The following PNRC1 variants were observed in gnomAD, a reference collection of about 807,000 sequenced individuals.
The protein encoded by PNRC1 is proline-rich nuclear receptor coactivator 1.
In PNRC1, 6 loss-of-function variants were observed where a neutral mutation model predicts 20.2. The observed-to-expected ratio is 0.30, with a 90% confidence interval of 0.16 to 0.59. The LOEUF (loss-of-function observed/expected upper bound fraction) is 0.59, where lower values mean the gene tolerates loss of function less well. PNRC1 is among the 20% of genes least tolerant of loss of function. PNRC1 has a pLI of 0.89. For missense variants in PNRC1, 488 were observed against 430.2 expected (o/e 1.13, Z -1.19); for synonymous variants, 202 against 186.9 (o/e 1.08, Z -0.66).
In PNRC1 at chr6:89,081,208, G is replaced by A. The variant is rs1269280586; in HGVS notation, c.314G>A (p.Ser105Asn). ...CGGCGAAAGAAGAAGGTGCGGGCCA[G>A]CCCCGCAGGGCAGCTGCCCAGCCGC... ...KKRRKKKVRA[S>N]PAGQLPSRFH... Residue 105 changes from serine to asparagine, a missense_variant, in exon 1 of 2, where the codon AGC (serine) becomes AAC (asparagine). Ser to Asn is a conservative substitution (Grantham distance 46). Transcript: ENST00000336032. 2 of 1,560,070 alleles carry A rather than the reference G, an allele frequency of 1.3e-6. No homozygotes were observed. The highest frequency in any genetic ancestry group is 1.7e-6 in the Non-Finnish European group (2 of 1,161,338).
rs1383755873 is a variant in PNRC1 at position 89,080,877 on chromosome 6, G to A, written c.-18G>A. 25 of 1,607,364 alleles carry A rather than the reference G, an allele frequency of 1.6e-5. No individual in the cohort carries two copies. Among genetic ancestry groups the A allele is most frequent in the Non-Finnish European group, 2.1e-5 (25 of 1,179,782 alleles). ...TCTCCTTCTCTCTTCGTTGCTGAGC[G>A]ACAAGCTTCCTAGCGCTATGACTGT... On this transcript the variant is annotated 5_prime_UTR_variant, in exon 1 of 2. Transcript: ENST00000336032.
Position 89,084,029 on chromosome 6 carries a change from G to A in PNRC1, c.817G>A (p.Val273Met). The change falls in exon 2 of 2, where the codon GTG becomes ATG. Residue 273 changes from valine to methionine, a missense_variant. Transcript: ENST00000336032. ...HLKKSAFLTE[V>M]SQKENYAGAK... ...GAAGAAATCAGCATTTCTAACTGAAGTGAGCCAAAAGGAAAATTATGCTGG... is the reference window on the plus strand; with the variant it reads ...GAAGAAATCAGCATTTCTAACTGAAATGAGCCAAAAGGAAAATTATGCTGG... 6.2e-7 allele frequency: 1 copy of A among 1,614,118 alleles called. No individual in the cohort carries two copies. The highest frequency in any genetic ancestry group is 8.5e-7 in the Non-Finnish European group (1 of 1,180,018).
chr6:89,080,989 T>C lies in PNRC1; in HGVS notation c.95T>C (p.Leu32Pro), dbSNP rs779847527. Reference sequence around the variant, plus strand: ...TCCTCCCGAGGTTACTTTGGGGCCCTCCCGATGGTGACCACGGCTCCGCCT... The same window carrying C: ...TCCTCCCGAGGTTACTTTGGGGCCCCCCCGATGGTGACCACGGCTCCGCCT... ...GFSSRGYFGA[L>P]PMVTTAPPPL... The change falls in exon 1 of 2, where the codon CTC becomes CCC. Residue 32 changes from leucine (L) to proline (P), a missense_variant. Coordinates refer to ENST00000336032, the MANE Select transcript of PNRC1 (RefSeq NM_006813.3). 2 of 1,612,412 alleles carry C rather than the reference T, an allele frequency of 1.2e-6. No homozygotes were observed. The highest frequency in any genetic ancestry group is 2.2e-5 in the South Asian group (2 of 91,076).
chr6:89,082,213 T>C (rs1046042077), intron 1 of PNRC1: 3 of 152,270 alleles, frequency 2.0e-5, no homozygotes, highest in Non-Finnish European at 4.4e-5. Flanking sequence ...GCCCGTCTGA[T>C]TGCAGTGCTA....
chr6:89,084,286 G>C lies in PNRC1; in HGVS notation c.*90G>C. ...TGGTACAGAAATGGAAATTTGCCTT[G>C]TTGCAACATACAATTGCAAAAGATG... On this transcript the variant is annotated 3_prime_UTR_variant, in exon 2 of 2. Transcript: ENST00000336032. The C allele has an allele frequency of 1.2e-6, 1 of 803,864 alleles. No individual in the cohort carries two copies. Among genetic ancestry groups the C allele is most frequent in the Non-Finnish European group, 1.9e-6 (1 of 514,046 alleles). 49.8% of individuals were successfully genotyped at this position (803,864 alleles called of 1,614,324 possible).
chr6:89,080,873 G>A lies in PNRC1; in HGVS notation c.-22G>A. On this transcript the variant is annotated 5_prime_UTR_variant, in exon 1 of 2. Transcript: ENST00000336032. ...ACCTTCTCCTTCTCTCTTCGTTGCT[G>A]AGCGACAAGCTTCCTAGCGCTATGA... 1 of 1,606,470 alleles carries A rather than the reference G, an allele frequency of 6.2e-7. No homozygotes were observed. The highest frequency in any genetic ancestry group is 8.5e-7 in the Non-Finnish European group (1 of 1,179,588).
At position 89,084,317 on chromosome 6, in the gene PNRC1, A is replaced by T. The variant is rs570274584; in HGVS notation, c.*121A>T. On this transcript the variant is annotated 3_prime_UTR_variant, in exon 2 of 2. Coordinates refer to ENST00000336032, the MANE Select transcript of PNRC1 (RefSeq NM_006813.3). ...ACATACAATTGCAAAAGATGAGTTT[A>T]AAAAATTACATACAAACAGCTTGTA... The T allele has an allele frequency of 1.4e-5, 9 of 623,370 alleles. No individual in the cohort carries two copies. Among genetic ancestry groups the T allele is most frequent in the African/African-American group, 9.2e-5 (5 of 54,096 alleles). The allele number at this position is 623,370 out of a possible 1,614,324, so 38.6% of individuals were successfully genotyped here. A position where few individuals can be genotyped will look rare whatever the true frequency, so the allele number is the denominator to read the frequency against.
In PNRC1 at chr6:89,083,806, G is replaced by A. The variant is rs984367269; in HGVS notation, c.594G>A (p.Gln198=). The A allele has an allele frequency of 6.2e-7, 1 of 1,602,466 alleles. No individual in the cohort carries two copies. Among genetic ancestry groups the A allele is most frequent in the Non-Finnish European group, 8.5e-7 (1 of 1,176,506 alleles). The change falls in exon 2 of 2, where the codon CAG becomes CAA. Residue 198 remains glutamine (Q), a synonymous_variant. Transcript: ENST00000336032. ...KSEKIALPHG[Q]LVHGIHLYEQ... The stretch of plus-strand genomic sequence containing the variant: ...AGAAAATTGCCCTTCCCCATGGCCA[G>A]CTTGTTCATGGTATACACTTGTATG...
rs1304575346 is a variant in PNRC1 at position 89,080,839 on chromosome 6, G to A, written c.-56G>A. The stretch of plus-strand genomic sequence containing the variant: ...CATCGCCGCCACCCTATCTTCACTG[G>A]CTTCATTCACCTTCTCCTTCTCTCT... On this transcript the variant is annotated 5_prime_UTR_variant, in exon 1 of 2. Transcript: ENST00000336032. The A allele has an allele frequency of 5.2e-6, 6 of 1,143,020 alleles. No homozygotes were observed. Among genetic ancestry groups the A allele is most frequent in the Non-Finnish European group, 6.0e-6 (5 of 835,268 alleles). 70.8% of individuals were successfully genotyped at this position (1,143,020 alleles called of 1,614,324 possible).
chr6:89,084,316 T>A lies in PNRC1; in HGVS notation c.*120T>A, dbSNP rs1768068592. 2 of 634,292 alleles carry A rather than the reference T, an allele frequency of 3.2e-6. No individual in the cohort carries two copies. Among genetic ancestry groups the A allele is most frequent in the Non-Finnish European group, 5.4e-6 (2 of 367,476 alleles). The allele number at this position is 634,292 out of a possible 1,614,324, so 39.3% of individuals were successfully genotyped here. ...AACATACAATTGCAAAAGATGAGTT[T>A]AAAAAATTACATACAAACAGCTTGT... On this transcript the variant is annotated 3_prime_UTR_variant, in exon 2 of 2. Coordinates refer to ENST00000336032, the MANE Select transcript of PNRC1 (RefSeq NM_006813.3).
At chr6:89,081,549 G>GC (rs2127985494) in intron 1 of PNRC1, 115 bp downstream of exon 1, 2 of 182,296 alleles carry the variant, frequency 1.1e-5, no homozygotes, top group Non-Finnish European at 2.2e-5. Context: ...GGTGGGGGGG[G>GC]CGGCTGTTTA....
chr6:89,081,054 ACC>A lies in PNRC1; in HGVS notation c.162_163del (p.Phe56ProfsTer151). ...CCCGGACCCCCGGGCACTGCCCCCG[ACC>A]CTCTTCCTCCCTCATTTCCTAGGGG... Reference protein sequence around the residue: ...RIPDPRALPPTLFLPHFLGGD... With the variant: ...RIPDPRALPPXLFLPHFLGGD... On this transcript the variant is annotated frameshift_variant, in exon 1 of 2. Transcript: ENST00000336032. LOFTEE classifies it high-confidence loss of function. The A allele has an allele frequency of 2.5e-6, 4 of 1,610,572 alleles. No individual in the cohort carries two copies. The highest frequency in any genetic ancestry group is 3.4e-6 in the Non-Finnish European group (4 of 1,179,720).
intron 1 of PNRC1, among the ~76,000 whole-genome samples, chr6:89,083,045 C>G (rs1298054371): frequency 1.3e-5 from 2 of 151,094 alleles, no homozygotes; most frequent in Non-Finnish European, 1.5e-5. Context: ...CTATCGCACT[C>G]CAGGCTGGAA....
intron 1 of PNRC1, among the ~76,000 whole-genome samples, chr6:89,083,529 T>G (rs183471128): frequency 1.3e-3 from 191 of 152,260 alleles, no homozygotes; most frequent in African/African-American, 4.3e-3. Flanking sequence ...GCTCCCAAAT[T>G]CACTTGTAAG....
At chr6:89,082,999 TTTG>T (rs1001596882) in intron 1 of PNRC1, among the ~76,000 whole-genome samples, 12 of 146,074 alleles carry the variant, frequency 8.2e-5, no homozygotes, top group East Asian at 2.2e-4. Context: ...ATTTAAGTTT[TTTG>T]TTGTTTTTTT....
In PNRC1 at chr6:89,081,052, C is replaced by T. The variant is rs755615300; in HGVS notation, c.158C>T (p.Pro53Leu). The change falls in exon 1 of 2, where the codon CCG (proline) becomes CTG (leucine). Residue 53 changes from proline (P) to leucine (L), a missense_variant. Physicochemically the swap from Pro to Leu is moderately conservative, Grantham distance 98. Transcript: ENST00000336032. Reference sequence around the variant, plus strand: ...ATCCCGGACCCCCGGGCACTGCCCCCGACCCTCTTCCTCCCTCATTTCCTA... The same window carrying T: ...ATCCCGGACCCCCGGGCACTGCCCCTGACCCTCTTCCTCCCTCATTTCCTA... ...PRIPDPRALP[P>L]TLFLPHFLGG... The T allele has an allele frequency of 5.6e-6, 9 of 1,611,000 alleles. No individual in the cohort carries two copies. Among genetic ancestry groups the T allele is most frequent in the South Asian group, 3.3e-5 (3 of 91,088 alleles).
Position 89,080,886 on chromosome 6 carries a change from C to T in PNRC1, c.-9C>T, listed in dbSNP as rs1767964116. On this transcript the variant is annotated 5_prime_UTR_variant, in exon 1 of 2. Transcript: ENST00000336032. ...CTCTTCGTTGCTGAGCGACAAGCTT[C>T]CTAGCGCTATGACTGTCGTCTCCGT... 1.2e-6 allele frequency: 2 copies of T among 1,609,166 alleles called. No individual in the cohort carries two copies. The highest frequency in any genetic ancestry group is 2.2e-5 in the East Asian group (1 of 44,856).
chr6:89,080,918 G>A lies in PNRC1; in HGVS notation c.24G>A (p.Gln8=). 6.2e-7 allele frequency: 1 copy of A among 1,612,362 alleles called. No individual in the cohort carries two copies. Among genetic ancestry groups the A allele is most frequent in the Non-Finnish European group, 8.5e-7 (1 of 1,180,004 alleles). MTVVSVP[Q]REPLVLGGRL... ...CTATGACTGTCGTCTCCGTCCCGCAGCGGGAGCCGCTCGTCCTGGGTGGCC... is the reference window on the plus strand; with the variant it reads ...CTATGACTGTCGTCTCCGTCCCGCAACGGGAGCCGCTCGTCCTGGGTGGCC... Residue 8 remains glutamine (Q), a synonymous_variant, in exon 1 of 2, where the codon CAG becomes CAA. Coordinates refer to ENST00000336032, the MANE Select transcript of PNRC1 (RefSeq NM_006813.3).
chr6:89,083,813 C>G lies in PNRC1; in HGVS notation c.601C>G (p.His201Asp). ...TGCCCTTCCCCATGGCCAGCTTGTT[C>G]ATGGTATACACTTGTATGAGCAACC... ...KIALPHGQLV[H>D]GIHLYEQPKI... Residue 201 changes from histidine (H) to aspartate (D), a missense_variant, in exon 2 of 2, where the codon CAT becomes GAT. Physicochemically the swap from His to Asp is moderately conservative, Grantham distance 81 (BLOSUM62 -1). Transcript: ENST00000336032. 6.2e-7 allele frequency: 1 copy of G among 1,606,826 alleles called. No individual in the cohort carries two copies. The highest frequency in any genetic ancestry group is 8.5e-7 in the Non-Finnish European group (1 of 1,178,104).
Sources: gnomAD v4.1 joint callset for allele counts (sites outside exome capture counted in the v4.1 genomes callset) on GRCh38, gnomAD v4.1.1 for gene constraint, MANE v1.5 for transcripts, NCBI Gene and HGNC (gene_info 2026-07-23, HGNC 2026-07-21) for gene names.